Variants in UBE3B observed in about 807,000 individuals in gnomAD.
The protein encoded by UBE3B is ubiquitin protein ligase E3B.
In UBE3B, 80 loss-of-function variants were observed where a neutral mutation model predicts 132.3. That is an observed-to-expected ratio of 0.60 (90% CI 0.50 to 0.73). UBE3B has a LOEUF of 0.73. UBE3B is among the 30% of genes least tolerant of loss of function. UBE3B has a pLI of 0.00. For synonymous variants in UBE3B, 487 were observed against 520.4 expected (o/e 0.94, Z 0.87); for missense variants, 1,196 against 1,362.5 (o/e 0.88, Z 1.92).
At chr12:109,530,113 C>T in intron 25 of UBE3B, 41 bp downstream of exon 25, 1 of 1,608,396 alleles carries the variant, frequency 6.2e-7, no homozygotes, top group Non-Finnish European at 8.5e-7. Flanking sequence ...TCCTTGGCCT[C>T]CCAGAAAGCC....
chr12:109,511,238 G>T lies in UBE3B; in HGVS notation c.1891G>T (p.Asp631Tyr). ...LKPSVLFQEL[D>Y]RDRKRAQLIL... ...ACCTAGCGTGCTCTTCCAAGAACTC[G>T]ACAGGGACAGAAAACGGGCACAGTT... Residue 631 changes from aspartate (D) to tyrosine (Y), a missense_variant, in exon 18 of 28, where the codon GAC becomes TAC. Coordinates refer to ENST00000342494, the MANE Select transcript of UBE3B (RefSeq NM_130466.4). 6.2e-7 allele frequency: 1 copy of T among 1,614,044 alleles called. No individual in the cohort carries two copies. Among genetic ancestry groups the T allele is most frequent in the Non-Finnish European group, 8.5e-7 (1 of 1,180,000 alleles).
chr12:109,485,063 G>A (rs1876182364), intron 4 of UBE3B, among the ~76,000 whole-genome samples: 1 of 152,176 alleles, frequency 6.6e-6, no homozygotes, highest in Admixed American at 6.5e-5. Context: ...GTTCTAATTT[G>A]TAAATCTTGG....
At position 109,534,063 on chromosome 12, in the gene UBE3B, GAGAGTCCTACTCCCCATA is replaced by G; in HGVS notation, c.3015+507_3016-509del. 7.7e-7 allele frequency: 1 copy of G among 1,294,708 alleles called. No homozygotes were observed. The highest frequency in any genetic ancestry group is 1.0e-6 in the Non-Finnish European group (1 of 992,838). The allele number at this position is 1,294,708 out of a possible 1,614,324, so 80.2% of individuals were successfully genotyped here. A position where few individuals can be genotyped will look rare whatever the true frequency, so the allele number is the denominator to read the frequency against. On this transcript the variant is annotated intron_variant, in intron 27 of 27. Coordinates refer to ENST00000342494, the MANE Select transcript of UBE3B (RefSeq NM_130466.4). The surrounding 1 kb of genome is among the most constrained non-coding windows in gnomAD (Gnocchi z 5.2). ...CCTGGCCCACTGTGGGTGCTCAAAT[GAGAGTCCTACTCCCCATA>G]AAAACCCAGTGGCCGCCTCTGGGTG...
chr12:109,490,916 C>A, intron 8 of UBE3B, 129 bp from the exon 9 acceptor site: 1 of 1,148,796 alleles, frequency 8.7e-7, no homozygotes, highest in Non-Finnish European at 1.2e-6. Flanking sequence ...ACTGTAGGTA[C>A]AAGCCACCAT....
chr12:109,493,171 G>A (rs772809947), intron 9 of UBE3B, among the ~76,000 whole-genome samples: 1 of 152,206 alleles, frequency 6.6e-6, no homozygotes, highest in African/African-American at 2.4e-5. Flanking sequence ...GTACAAACAG[G>A]TTTTCCCAGA....
At chr12:109,513,263 C>T (rs1048476840) in intron 18 of UBE3B, among the ~76,000 whole-genome samples, 10 of 152,182 alleles carry the variant, frequency 6.6e-5, no homozygotes, top group Non-Finnish European at 1.2e-4. Context: ...TCTAGACCCT[C>T]CGCTCTGTTT....
chr12:109,537,652 G>A (rs978328746), downstream of UBE3B, among the ~76,000 whole-genome samples: 6 of 152,186 alleles, frequency 3.9e-5, no homozygotes, highest in African/African-American at 1.4e-4. Context: ...CCAGCCTCCA[G>A]TGTGAGGCAC....
In UBE3B at chr12:109,509,651, C is replaced by G. The variant is rs1399877215; in HGVS notation, c.1678C>G (p.Leu560Val). Residue 560 changes from leucine (L) to valine (V), a missense_variant, in exon 16 of 28, where the codon CTG becomes GTG. Physicochemically the swap from Leu to Val is conservative, Grantham distance 32. Transcript: ENST00000342494. ...EEQISFKLEE[L>V]VTISSFLNSF... ...ACAGATTTCATTCAAACTGGAAGAG[C>G]TGGTCACTATCTCCTCTTTCCTGAA... The G allele has an allele frequency of 3.7e-6, 6 of 1,611,524 alleles. No homozygotes were observed. In the South Asian group the frequency reaches 6.6e-5, roughly 18 times the overall value.
intron 26 of UBE3B, among the ~76,000 whole-genome samples, chr12:109,532,026 G>T (rs759503614): frequency 6.6e-6 from 1 of 152,120 alleles, no homozygotes; most frequent in Admixed American, 6.5e-5. Context: ...ATGTGACCAC[G>T]ACCATGCTTC....
At chr12:109,542,828 G>A in the UBE3B span, among the ~76,000 whole-genome samples, 1 of 152,214 alleles carries the variant, frequency 6.6e-6, no homozygotes, top group Non-Finnish European at 1.5e-5. Context: ...CTAGAATTGT[G>A]AGAGGATGAA....
chr12:109,487,879 C>T (rs1052538907), intron 6 of UBE3B, among the ~76,000 whole-genome samples: 1 of 152,160 alleles, frequency 6.6e-6, no homozygotes, highest in Admixed American at 6.5e-5. Flanking sequence ...CAGTGGTCTC[C>T]AAGGTTGTCT....
intron 7 of UBE3B, 39 bp from the exon 8 acceptor site, chr12:109,489,880 G>A: frequency 6.3e-7 from 1 of 1,589,492 alleles, no homozygotes; most frequent in Non-Finnish European, 8.6e-7. Context: ...TCACATTATG[G>A]CAAGAGACTT....
In UBE3B at chr12:109,486,542, G is replaced by A. The variant is rs200936935; in HGVS notation, c.414G>A (p.Leu138=). ...GGATTCAACAGATCAAGAACATTTTGTGGTACTGCTGTGATTTTCTCAAGC... is the reference window on the plus strand; with the variant it reads ...GGATTCAACAGATCAAGAACATTTTATGGTACTGCTGTGATTTTCTCAAGC... ...LLWIQQIKNI[L]WYCCDFLKQL... The change falls in exon 6 of 28, where the codon TTG becomes TTA. Residue 138 remains leucine (L), a synonymous_variant. Transcript: ENST00000342494. The A allele has an allele frequency of 2.2e-6, 3 of 1,373,328 alleles. No individual in the cohort carries two copies. The highest frequency in any genetic ancestry group is 7.0e-5 in the East Asian group (2 of 28,662). 85.1% of individuals were successfully genotyped at this position (1,373,328 alleles called of 1,614,324 possible).
At chr12:109,514,459 G>C (rs1880755626) in intron 18 of UBE3B, among the ~76,000 whole-genome samples, 1 of 152,190 alleles carries the variant, frequency 6.6e-6, no homozygotes, top group African/African-American at 2.4e-5. Context: ...CCAGAGCCCT[G>C]TCCAGGCTTT....
intron 19 of UBE3B, 54 bp downstream of exon 19, chr12:109,516,938 G>A (rs1168633973): frequency 3.1e-6 from 5 of 1,592,662 alleles, no homozygotes; most frequent in South Asian, 1.1e-5. Context: ...CTGCAACATG[G>A]AAGCTCTTTA....
chr12:109,524,776 C>T (rs1882133611), intron 23 of UBE3B, among the ~76,000 whole-genome samples: 1 of 151,964 alleles, frequency 6.6e-6, no homozygotes, highest in Admixed American at 6.5e-5. Context: ...CATGGCTTTT[C>T]GTTACCATGG....
In UBE3B at chr12:109,530,810, C is replaced by A. The variant is rs1262673330; in HGVS notation, c.2922+152C>A. The A allele has an allele frequency of 4.0e-6, 3 of 741,998 alleles. No homozygotes were observed. The East Asian group carries it at 8.5e-5, about 21-fold the overall frequency. The allele number at this position is 741,998 out of a possible 1,614,324, so 46.0% of individuals were successfully genotyped here. A position where few individuals can be genotyped will look rare whatever the true frequency, so the allele number is the denominator to read the frequency against. On this transcript the variant is annotated intron_variant, in intron 26 of 27. Transcript: ENST00000342494. ...TCCCACAGGCAGGCCTCCCGGTAGG[C>A]CAAGCAGTAACCAGAGAGGGGCTTG...
rs997718424 is a variant in UBE3B, at chr12:109,503,313, T to C, written c.1450+123T>C. ...AAATAGATTCTGAAGGAGGGCATTT[T>C]TGAGCTGTTCCTCTTAGAGATTAGT... On this transcript the variant is annotated intron_variant, in intron 14 of 27. Transcript: ENST00000342494. The C allele has an allele frequency of 7.7e-6, 10 of 1,306,482 alleles. No homozygotes were observed. In the African/African-American group the frequency reaches 1.2e-4, roughly 15 times the overall value. 80.9% of individuals were successfully genotyped at this position (1,306,482 alleles called of 1,614,324 possible).
chr12:109,499,508 C>A, intron 11 of UBE3B, 125 bp from the exon 12 acceptor site: 1 of 935,956 alleles, frequency 1.1e-6, no homozygotes, highest in Non-Finnish European at 1.5e-6. Context: ...TTGACAGGTG[C>A]CCCTTATGTG....
Sources: allele counts gnomAD v4.1 joint callset (sites outside exome capture counted in the v4.1 genomes callset), GRCh38; gene constraint gnomAD v4.1.1; non-coding constraint Gnocchi (gnomAD v3.1); transcripts MANE v1.5; gene names NCBI Gene and HGNC (gene_info 2026-07-23, HGNC 2026-07-21).